EPB41L3: variants seen among roughly 807,000 people sequenced by gnomAD.
EPB41L3 encodes band 4.1-like protein 3.
In EPB41L3, 57 loss-of-function variants were observed where a neutral mutation model predicts 127.1. That is an observed-to-expected ratio of 0.45 (90% CI 0.36 to 0.56). The LOEUF is 0.56. Ranked by LOEUF, EPB41L3 falls within the 20% of genes least tolerant of loss-of-function variation. The pLI is 0.00. For synonymous variants in EPB41L3, 572 were observed against 549.5 expected, an observed-to-expected ratio of 1.04 and a Z score of -0.57; for missense variants, 1,273 against 1,372.2, an observed-to-expected ratio of 0.93 and a Z score of 1.14.
chr18:5,597,723 G>A (rs1459799780), intron 3 of EPB41L3, among the ~76,000 whole-genome samples: 1 of 152,152 alleles, frequency 6.6e-6, no homozygotes, highest in African/African-American at 2.4e-5. Flanking sequence ...AACAGCAGAA[G>A]TCAAATAACC....
rs530462563 is a variant in EPB41L3 at position 5,556,602 on chromosome 18, G to A, written c.-306+55738C>T. Among the ~76,000 whole-genome samples, 4 of 152,230 alleles carry A rather than the reference G, an allele frequency of 2.6e-5. No individual in the cohort carries two copies. In the East Asian group the frequency reaches 7.7e-4, roughly 29 times the overall value. On this transcript the variant is annotated intron_variant, in intron 3 of 21. Coordinates refer to the EPB41L3 transcript ENST00000545076. The stretch of plus-strand genomic sequence containing the variant: ...ATTAATCTCATTAGGAAAGTTAGAG[G>A]GCAGAAAAATAAGCGACATTTGTAC...
upstream of EPB41L3, chr18:5,629,141 C>A (rs552138301): frequency 6.6e-6 from 1 of 152,320 alleles, no homozygotes; most frequent in Non-Finnish European, 1.5e-5. Flanking sequence ...GGGCGCCTCC[C>A]GGATTTTGAA....
In EPB41L3 at chr18:5,456,353, G is replaced by T. The variant is rs1467620822; in HGVS notation, c.382-11109C>A. Reference sequence around the variant, plus strand: ...AAATAGAAAGAGAAAGAATATCAAGGTATTACATAAACCACCAGCATATTT... The same window carrying T: ...AAATAGAAAGAGAAAGAATATCAAGTTATTACATAAACCACCAGCATATTT... On this transcript the variant is annotated intron_variant, in intron 3 of 22. Transcript: ENST00000341928. 2.6e-5 allele frequency among the ~76,000 whole-genome samples: 4 copies of T among 152,066 alleles called. No homozygotes were observed. In the East Asian group the frequency reaches 7.7e-4, roughly 29 times the overall value.
intron 2 of EPB41L3, among the ~76,000 whole-genome samples, chr18:5,484,112 AAAAAAAAAAC>A (rs1568375689): frequency 5.8e-5 from 8 of 138,444 alleles, no homozygotes; most frequent in East Asian, 4.4e-4. Flanking sequence ...AAAAAAAAAA[AAAAAAAAAAC>A]AGAAAAAAAA....
intron 1 of EPB41L3, among the ~76,000 whole-genome samples, chr18:5,505,670 C>A (rs1208145989): frequency 6.9e-6 from 1 of 144,438 alleles, no homozygotes; most frequent in Non-Finnish European, 1.5e-5. Context: ...TTCACCTCCA[C>A]CCCTACTCTC....
intron 1 of EPB41L3, among the ~76,000 whole-genome samples, chr18:5,495,262 T>G (rs2091041219): frequency 1.3e-5 from 2 of 152,160 alleles, no homozygotes; most frequent in South Asian, 4.2e-4. Flanking sequence ...AAGTCAGGAT[T>G]TTTATGAAGA....
In EPB41L3 at chr18:5,435,978, A is replaced by C. The variant is rs534336994; in HGVS notation, c.606-1857T>G. Reference sequence around the variant, plus strand: ...TTCGAGAATCTTGTCCCCATAAATAAACAGTTTTAAACTGGAGAAATTAAC... The same window carrying C: ...TTCGAGAATCTTGTCCCCATAAATACACAGTTTTAAACTGGAGAAATTAAC... On this transcript the variant is annotated intron_variant, in intron 6 of 22. Coordinates refer to ENST00000341928, the MANE Select transcript of EPB41L3 (RefSeq NM_012307.5). 4.6e-5 allele frequency among the ~76,000 whole-genome samples: 7 copies of C among 152,294 alleles called. No individual in the cohort carries two copies. In the East Asian group the frequency reaches 1.2e-3, roughly 25 times the overall value.
chr18:5,552,102 T>C (rs993625459), intron 3 of EPB41L3, among the ~76,000 whole-genome samples: 3 of 152,240 alleles, frequency 2.0e-5, no homozygotes, highest in African/African-American at 7.2e-5. Flanking sequence ...TTACCTGAAG[T>C]CCTTGTAGAA....
chr18:5,582,622 A>C (rs146368771), intron 3 of EPB41L3, among the ~76,000 whole-genome samples: 256 of 152,372 alleles, frequency 1.7e-3, no homozygotes, highest in African/African-American at 5.0e-3. Flanking sequence ...TTTAACACAG[A>C]GAACATGAGT....
chr18:5,514,444 G>A (rs1178867133), intron 1 of EPB41L3, among the ~76,000 whole-genome samples: 1 of 152,082 alleles, frequency 6.6e-6, no homozygotes, highest in African/African-American at 2.4e-5. Context: ...ATTGCTCTTG[G>A]AATATACTTT....
At chr18:5,437,957 C>A in intron 6 of EPB41L3, 78 bp downstream of exon 6, 1 of 1,231,686 alleles carries the variant, frequency 8.1e-7, no homozygotes, top group Non-Finnish European at 1.1e-6. Flanking sequence ...CAGATGTAAG[C>A]ACGCTCTTTC....
intron 1 of EPB41L3, chr18:5,521,402 C>T (rs1048677040): frequency 1.3e-5 from 2 of 152,206 alleles, no homozygotes; most frequent in Admixed American, 1.3e-4. Context: ...TAACCCCCAA[C>T]ATTATCTAGC....
chr18:5,409,537 T>C (rs1214073760), intron 14 of EPB41L3, among the ~76,000 whole-genome samples: 1 of 152,122 alleles, frequency 6.6e-6, no homozygotes, highest in Non-Finnish European at 1.5e-5. Context: ...AAACTTATGA[T>C]TTTCAAGCTT....
intron 1 of EPB41L3, among the ~76,000 whole-genome samples, chr18:5,507,450 G>A (rs1490236285): frequency 1.4e-5 from 2 of 147,132 alleles, no homozygotes; most frequent in African/African-American, 5.0e-5. Flanking sequence ...ATTGGTATCA[G>A]TCACCAATCT....
At chr18:5,462,924 C>G (rs2084284335) in intron 3 of EPB41L3, among the ~76,000 whole-genome samples, 1 of 152,196 alleles carries the variant, frequency 6.6e-6, no homozygotes, top group South Asian at 2.1e-4. Flanking sequence ...CTGTCTTCCC[C>G]CATAAACTTT....
At chr18:5,514,610 A>G (rs2092678923) in intron 1 of EPB41L3, among the ~76,000 whole-genome samples, 1 of 152,250 alleles carries the variant, frequency 6.6e-6, no homozygotes, top group African/African-American at 2.4e-5. Context: ...GAAATGTCAA[A>G]ACATTAATGA....
chr18:5,589,457 AAT>A (rs1195263018), intron 3 of EPB41L3, among the ~76,000 whole-genome samples: 2 of 152,226 alleles, frequency 1.3e-5, no homozygotes, highest in African/African-American at 4.8e-5. Flanking sequence ...CAAGTAATTT[AAT>A]ATATCTTTTT....
At chr18:5,607,120 G>A (rs545303177) in intron 3 of EPB41L3, among the ~76,000 whole-genome samples, 41 of 152,324 alleles carry the variant, frequency 2.7e-4, no homozygotes, top group African/African-American at 9.4e-4. Context: ...ACAGTCACCA[G>A]GTTGTTGAAT....
intron 1 of EPB41L3, among the ~76,000 whole-genome samples, chr18:5,516,506 T>C (rs931419162): frequency 2.0e-5 from 3 of 152,190 alleles, no homozygotes; most frequent in East Asian, 1.9e-4. Context: ...TTTAAAACCA[T>C]CTTTAATGGA....
Sources: allele counts gnomAD v4.1 joint callset (sites outside exome capture counted in the v4.1 genomes callset), GRCh38; gene constraint gnomAD v4.1.1; transcripts MANE v1.5; gene names NCBI Gene and HGNC (gene_info 2026-07-23, HGNC 2026-07-21).